The following ROBO1 variants were observed in gnomAD, a reference collection of about 807,000 sequenced individuals.
ROBO1 encodes the protein roundabout homolog 1.
In ROBO1, 149 loss-of-function variants were observed where a neutral mutation model predicts 195.9. The observed-to-expected ratio is 0.76, with a 90% CI of 0.67 to 0.87. The LOEUF is 0.87. ROBO1 is among the 40% of genes least tolerant of loss of function. The pLI, the probability that ROBO1 is intolerant of heterozygous loss-of-function variation, is 0.00. For missense variants in ROBO1, 1,933 were observed against 2,068.3 expected (o/e 0.93, Z 1.27); for synonymous variants, 816 against 733.2 (o/e 1.11, Z -1.82).
intron 26 of ROBO1, among the ~76,000 whole-genome samples, chr3:78,623,561 T>C (rs9871706): frequency 0.049 from 7,439 of 152,136 alleles, 602 homozygotes; most frequent in African/African-American, 0.17. Flanking sequence ...TGGGAAGCCA[T>C]TGAGAGATCT....
intron 1 of ROBO1, among the ~76,000 whole-genome samples, chr3:79,639,115 A>C (rs1283569139): frequency 6.6e-6 from 1 of 152,202 alleles, no homozygotes; most frequent in Non-Finnish European, 1.5e-5. Context: ...TTGAAACGAT[A>C]ACCTTAATTT....
At chr3:79,345,356 G>A (rs2035070440) in intron 2 of ROBO1, among the ~76,000 whole-genome samples, 1 of 152,236 alleles carries the variant, frequency 6.6e-6, no homozygotes, top group Non-Finnish European at 1.5e-5. Context: ...TTGCTGACAG[G>A]AGCAGAAGTG....
chr3:78,751,642 T>C (rs1225289881), intron 4 of ROBO1, among the ~76,000 whole-genome samples: 3 of 152,166 alleles, frequency 2.0e-5, no homozygotes, highest in Non-Finnish European at 4.4e-5. Flanking sequence ...GTGAGAAATT[T>C]CCCTCCTGAC....
At chr3:79,341,504 T>A (rs1249081246) in intron 2 of ROBO1, among the ~76,000 whole-genome samples, 1 of 152,006 alleles carries the variant, frequency 6.6e-6, no homozygotes, top group African/African-American at 2.4e-5. Context: ...CTTTTTTTTT[T>A]AATTAAAATA....
chr3:78,669,421 T>A (rs1373004145), intron 11 of ROBO1, among the ~76,000 whole-genome samples: 1 of 152,172 alleles, frequency 6.6e-6, no homozygotes, highest in Non-Finnish European at 1.5e-5. Context: ...ATAAAGCAAC[T>A]GAAATTCATG....
chr3:79,650,539 T>C (rs1945972971), intron 1 of ROBO1, among the ~76,000 whole-genome samples: 1 of 151,798 alleles, frequency 6.6e-6, no homozygotes, highest in Non-Finnish European at 1.5e-5. Context: ...AATTCTTAGA[T>C]ATTTTTCCAG....
At chr3:78,853,509 G>T (rs1184228991) in intron 4 of ROBO1, among the ~76,000 whole-genome samples, 1 of 149,122 alleles carries the variant, frequency 6.7e-6, no homozygotes, top group Non-Finnish European at 1.5e-5. Flanking sequence ...ATATTGTGAT[G>T]GTTAATTTTG....
intron 2 of ROBO1, among the ~76,000 whole-genome samples, chr3:79,130,088 G>A (rs2080300047): frequency 2.8e-5 from 1 of 36,082 alleles, no homozygotes; most frequent in African/African-American, 1.1e-4. Context: ...CTGTAGCCTT[G>A]TAGTATAGTT....
At chr3:79,641,158 C>A (rs1945647375) in intron 1 of ROBO1, among the ~76,000 whole-genome samples, 1 of 152,122 alleles carries the variant, frequency 6.6e-6, no homozygotes, top group Non-Finnish European at 1.5e-5. Context: ...TTTCCTCAAA[C>A]TTTCTACTGT....
chr3:79,157,902 T>A (rs1405754788), intron 2 of ROBO1, among the ~76,000 whole-genome samples: 1 of 151,906 alleles, frequency 6.6e-6, no homozygotes, highest in Non-Finnish European at 1.5e-5. Context: ...TGGATTATGC[T>A]CCTTATCAGC....
intron 2 of ROBO1, among the ~76,000 whole-genome samples, chr3:79,408,522 ATAAAGT>A (rs1365594542): frequency 6.6e-6 from 1 of 152,158 alleles, no homozygotes; most frequent in African/African-American, 2.4e-5. Context: ...AATATATGAT[ATAAAGT>A]TAGATACTAG....
At chr3:79,502,157 C>T (rs1378260654) in intron 2 of ROBO1, among the ~76,000 whole-genome samples, 1 of 152,212 alleles carries the variant, frequency 6.6e-6, no homozygotes, top group Non-Finnish European at 1.5e-5. Context: ...ACTCTGGCCG[C>T]GCTTGAGGAA....
Position 79,502,471 on chromosome 3 carries a change from C to T in ROBO1, c.88+87353G>A, listed in dbSNP as rs1006191809. 3.9e-5 allele frequency among the ~76,000 whole-genome samples: 6 copies of T among 152,264 alleles called. No individual in the cohort carries two copies. The South Asian group carries it at 1.0e-3, about 26-fold the overall frequency. ...GCGGGGCAGGGCTCGGGACCTGTAG[C>T]CCGCCATGCCTGAGTCTCCCCCCGC... On this transcript the variant is annotated intron_variant, in intron 2 of 30. Transcript: ENST00000464233.
chr3:79,142,525 T>C (rs1402262043), intron 2 of ROBO1, among the ~76,000 whole-genome samples: 1 of 152,174 alleles, frequency 6.6e-6, no homozygotes, highest in Non-Finnish European at 1.5e-5. Context: ...TTGTATTATA[T>C]GCAGTATATG....
At chr3:79,254,612 C>T (rs1394797194) in intron 2 of ROBO1, among the ~76,000 whole-genome samples, 1 of 152,098 alleles carries the variant, frequency 6.6e-6, no homozygotes, top group African/African-American at 2.4e-5. Flanking sequence ...TCAGAAGAGA[C>T]ATTCATTTTT....
chr3:78,631,404 C>A (rs1361056835), intron 24 of ROBO1, 99 bp from the exon 25 acceptor site: 6 of 1,280,844 alleles, frequency 4.7e-6, no homozygotes, highest in South Asian at 1.6e-5. Context: ...TTTTATAATT[C>A]ATTTATATAT....
chr3:78,984,742 T>C (rs188200051), intron 3 of ROBO1, among the ~76,000 whole-genome samples: 2 of 151,960 alleles, frequency 1.3e-5, no homozygotes, highest in East Asian at 3.9e-4. Flanking sequence ...TACAACAAAC[T>C]TGTTCCAAGA....
chr3:78,598,509 T>TATCATC lies in ROBO1; in HGVS notation c.*403_*404insGATGAT, dbSNP rs113692951. ...CTTTGAGAGCCCTTGTGAGGTTGAA[T>TATCATC]ATCAACTTTCTATATTTGATCAATA... On this transcript the variant is annotated 3_prime_UTR_variant, in exon 31 of 31. Coordinates refer to ENST00000464233, the MANE Select transcript of ROBO1 (RefSeq NM_002941.4). The TATCATC allele has an allele frequency of 6.3e-6, 1 of 158,462 alleles. No homozygotes were observed. 9.8% of individuals were successfully genotyped at this position (158,462 alleles called of 1,614,324 possible).
chr3:79,333,682 A>G (rs1351702474), intron 2 of ROBO1, among the ~76,000 whole-genome samples: 2 of 152,038 alleles, frequency 1.3e-5, no homozygotes, highest in Non-Finnish European at 2.9e-5. Context: ...GATCTCAGAC[A>G]TTTCCCTTTG....
Sources: gnomAD v4.1 joint callset for allele counts (sites outside exome capture counted in the v4.1 genomes callset) on GRCh38, gnomAD v4.1.1 for gene constraint, MANE v1.5 for transcripts, NCBI Gene and HGNC (gene_info 2026-07-23, HGNC 2026-07-21) for gene names.